Variants in NALF1 observed in about 807,000 individuals in gnomAD.
NALF1 encodes the protein family with sequence similarity 155 member A.
In NALF1, 3 loss-of-function variants were observed where a neutral mutation model predicts 48.4. The observed-to-expected ratio is 0.06, with a 90% CI of 0.03 to 0.16. The LOEUF (loss-of-function observed/expected upper bound fraction) is 0.16, where lower values mean the gene tolerates loss of function less well. NALF1 is among the 10% of genes least tolerant of loss of function. The pLI is 1.00. For synonymous variants in NALF1, 262 were observed against 245.7 expected (o/e 1.07, Z -0.62); for missense variants, 526 against 571.5 (o/e 0.92, Z 0.81).
At chr13:107,532,313 G>T in intron 1 of NALF1, among the ~76,000 whole-genome samples, 1 of 151,986 alleles carries the variant, frequency 6.6e-6, no homozygotes, top group Admixed American at 6.6e-5. Context: ...CAGTATTAAA[G>T]AATCTATTAA....
At chr13:107,341,037 A>AC (rs1285971989) in intron 1 of NALF1, among the ~76,000 whole-genome samples, 1 of 151,380 alleles carries the variant, frequency 6.6e-6, no homozygotes, top group Non-Finnish European at 1.5e-5. Context: ...TCCTAGTATC[A>AC]CCCCCCACCG....
At chr13:107,179,671 T>TAA (rs3071017) in intron 2 of NALF1, among the ~76,000 whole-genome samples, 4,214 of 137,586 alleles carry the variant, frequency 0.031, 161 homozygotes, top group African/African-American at 0.094. Context: ...TTTTGAAAAC[T>TAA]AAAAAAAAAA....
intron 1 of NALF1, among the ~76,000 whole-genome samples, chr13:107,606,572 G>A (rs955895845): frequency 6.6e-5 from 10 of 151,894 alleles, no homozygotes; most frequent in African/African-American, 2.4e-4. Context: ...CACCATGTTG[G>A]CCAGGCTGGT....
chr13:107,182,581 T>C (rs1879089540), intron 2 of NALF1, among the ~76,000 whole-genome samples: 7 of 152,152 alleles, frequency 4.6e-5, no homozygotes, highest in Admixed American at 2.0e-4. Context: ...TATGTGACCA[T>C]ACTTAAATGT....
rs1771137 is a variant in NALF1 at position 107,866,096 on chromosome 13, G to A, written c.501C>T (p.Arg167=). Residue 167 remains arginine (R), a synonymous_variant, in exon 1 of 3, where the codon CGC becomes CGT. Transcript: ENST00000375915. The surrounding 1 kb of genome is among the most constrained non-coding windows in gnomAD (Gnocchi z 4.4). ...FLGNSAKPVW[R]LETCYPQGAS... is the part of the protein sequence containing the mutation. Reference sequence around the variant, plus strand: ...CGCCCTGGGGGTAACAAGTCTCCAGGCGCCACACGGGCTTGGCAGAGTTTC... The same window carrying A: ...CGCCCTGGGGGTAACAAGTCTCCAGACGCCACACGGGCTTGGCAGAGTTTC... The A allele has an allele frequency of 0.1, 163,585 of 1,612,746 alleles. 9,962 individuals carry two copies. The highest frequency in any genetic ancestry group is 0.26 in the African/African-American group (19,637 of 74,946).
intron 1 of NALF1, among the ~76,000 whole-genome samples, chr13:107,694,232 T>C (rs761917574): frequency 3.5e-4 from 54 of 152,130 alleles, no homozygotes; most frequent in Non-Finnish European, 6.9e-4. Flanking sequence ...TCAGCCTCGA[T>C]CCATGTTTTC....
chr13:107,334,866 T>G (rs1278579496), intron 1 of NALF1, among the ~76,000 whole-genome samples: 5 of 152,172 alleles, frequency 3.3e-5, no homozygotes, highest in Non-Finnish European at 7.3e-5. Context: ...TGATGGTGCT[T>G]TGTCTTGCTG....
At chr13:107,227,535 C>T (rs1213720323) in intron 1 of NALF1, among the ~76,000 whole-genome samples, 2 of 152,220 alleles carry the variant, frequency 1.3e-5, no homozygotes, top group African/African-American at 4.8e-5. Flanking sequence ...AAAAGTTTAG[C>T]AAACTGCTTT....
chr13:107,421,170 C>T (rs767205471), intron 1 of NALF1, among the ~76,000 whole-genome samples: 1 of 152,310 alleles, frequency 6.6e-6, no homozygotes, highest in Admixed American at 6.5e-5. Flanking sequence ...ATCAATTTCA[C>T]ATACACTCAC....
chr13:107,802,491 A>G lies in NALF1; in HGVS notation c.915+63191T>C, dbSNP rs971727558. On this transcript the variant is annotated intron_variant, in intron 1 of 2. Transcript: ENST00000375915. ...GTATATTTTCTTCTTGTAATTTGCA[A>G]TTTTACAAATCTTAGAAAAATTATT... Among the ~76,000 whole-genome samples, 5 of 152,078 alleles carry G rather than the reference A, an allele frequency of 3.3e-5. No homozygotes were observed. The East Asian group carries it at 9.6e-4, about 29-fold the overall frequency.
intron 1 of NALF1, among the ~76,000 whole-genome samples, chr13:107,418,673 T>C (rs564974647): frequency 4.1e-4 from 63 of 152,114 alleles, no homozygotes; most frequent in Non-Finnish European, 8.7e-4. Flanking sequence ...TAGTACCTGC[T>C]AGGAAGTTTT....
chr13:107,837,920 T>TAAAAA (rs56351148), intron 1 of NALF1, among the ~76,000 whole-genome samples: 1 of 150,564 alleles, frequency 6.6e-6, no homozygotes, highest in Non-Finnish European at 1.5e-5. Context: ...GTATACAGAT[T>TAAAAA]AAAAAAAAAC....
chr13:107,201,897 C>A (rs190298786), intron 2 of NALF1, among the ~76,000 whole-genome samples: 1 of 152,236 alleles, frequency 6.6e-6, no homozygotes, highest in Non-Finnish European at 1.5e-5. Context: ...TACTTTCTGG[C>A]AGGAGTGAGT....
intron 1 of NALF1, among the ~76,000 whole-genome samples, chr13:107,225,343 T>C (rs1000222476): frequency 2.6e-5 from 4 of 152,038 alleles, no homozygotes; most frequent in African/African-American, 9.7e-5. Flanking sequence ...TTGTTATTGT[T>C]TTTATTCTCA....
chr13:107,583,335 C>T (rs923425783), intron 1 of NALF1, among the ~76,000 whole-genome samples: 3 of 151,990 alleles, frequency 2.0e-5, no homozygotes, highest in African/African-American at 7.2e-5. Context: ...ATAATGTTAT[C>T]AACATTTTTA....
At chr13:107,403,786 T>C (rs985190393) in intron 1 of NALF1, among the ~76,000 whole-genome samples, 1 of 151,958 alleles carries the variant, frequency 6.6e-6, no homozygotes, top group Non-Finnish European at 1.5e-5. Flanking sequence ...ATTTTAGCTT[T>C]AGTTTTTTAT....
chr13:107,706,455 G>A (rs1396920966), intron 1 of NALF1, among the ~76,000 whole-genome samples: 1 of 152,162 alleles, frequency 6.6e-6, no homozygotes, highest in Non-Finnish European at 1.5e-5. Context: ...TTCTTTTTAA[G>A]AAGATGAGTT....
At chr13:107,559,013 C>A (rs1157294825) in intron 1 of NALF1, among the ~76,000 whole-genome samples, 1 of 152,172 alleles carries the variant, frequency 6.6e-6, no homozygotes, top group Non-Finnish European at 1.5e-5. Flanking sequence ...CCCCACCCTG[C>A]AGGGACCAGA....
intron 1 of NALF1, among the ~76,000 whole-genome samples, chr13:107,814,107 C>T (rs1879089979): frequency 1.3e-5 from 2 of 152,066 alleles, no homozygotes; most frequent in African/African-American, 4.8e-5. Flanking sequence ...ATTCCTATTT[C>T]AGGGGAATAT....
Sources: allele counts gnomAD v4.1 joint callset (sites outside exome capture counted in the v4.1 genomes callset), GRCh38; gene constraint gnomAD v4.1.1; non-coding constraint Gnocchi (gnomAD v3.1); transcripts MANE v1.5; gene names NCBI Gene and HGNC (gene_info 2026-07-23, HGNC 2026-07-21).